The following IGSF21 variants were observed in gnomAD, a reference collection of about 807,000 sequenced individuals.
IGSF21 encodes the protein immunoglobulin superfamily member 21.
A neutral mutation model predicts 46.8 loss-of-function variants in IGSF21; 28 were observed. The observed-to-expected ratio is 0.60, with a 90% CI of 0.44 to 0.82. The LOEUF (loss-of-function observed/expected upper bound fraction) is 0.82. IGSF21 is among the 40% of genes least tolerant of loss of function. The pLI is 0.00. For missense variants in IGSF21, 624 were observed against 665.5 expected, an observed-to-expected ratio of 0.94 and a Z score of 0.69; for synonymous variants, 284 against 273.6, an observed-to-expected ratio of 1.04 and a Z score of -0.38.
At chr1:18,145,240 C>G (rs1230419715) in intron 1 of IGSF21, among the ~76,000 whole-genome samples, 2 of 151,970 alleles carry the variant, frequency 1.3e-5, no homozygotes, top group Non-Finnish European at 2.9e-5. Flanking sequence ...ATTTTTGTGG[C>G]TAGATGGCTC....
chr1:18,347,976 G>A (rs184061796), intron 4 of IGSF21, among the ~76,000 whole-genome samples: 1 of 152,268 alleles, frequency 6.6e-6, no homozygotes, highest in African/African-American at 2.4e-5. Context: ...TTTTGATATA[G>A]GACAGCCAGG....
At chr1:18,375,462 G>A (rs763133692) in intron 6 of IGSF21, among the ~76,000 whole-genome samples, 3 of 152,212 alleles carry the variant, frequency 2.0e-5, no homozygotes, top group East Asian at 1.9e-4. Flanking sequence ...CAATGATCCC[G>A]AGTGGCTCCT....
At chr1:18,241,010 G>A (rs569862685) in intron 2 of IGSF21, among the ~76,000 whole-genome samples, 1 of 152,326 alleles carries the variant, frequency 6.6e-6, no homozygotes, top group Non-Finnish European at 1.5e-5. Context: ...AGATTCCCCA[G>A]GAGTAGGGTT....
chr1:18,111,477 C>A (rs2086144739), intron 1 of IGSF21: 1 of 152,186 alleles, frequency 6.6e-6, no homozygotes, highest in Non-Finnish European at 1.5e-5. Context: ...CTCCTAAAAT[C>A]CCAATACCTT....
At chr1:18,177,385 T>A (rs2086810220) in intron 1 of IGSF21, among the ~76,000 whole-genome samples, 1 of 135,678 alleles carries the variant, frequency 7.4e-6, no homozygotes, top group African/African-American at 2.8e-5. Context: ...GGGGATGGGG[T>A]CAGTGAGGTG....
At chr1:18,287,189 A>ATAACT (rs11448658) in intron 2 of IGSF21, among the ~76,000 whole-genome samples, 1 of 136,714 alleles carries the variant, frequency 7.3e-6, no homozygotes, top group African/African-American at 2.7e-5. Context: ...TCAAAAAAAA[A>ATAACT]AAATAAAATA....
At chr1:18,189,794 C>T (rs1484880852) in intron 1 of IGSF21, among the ~76,000 whole-genome samples, 1 of 152,176 alleles carries the variant, frequency 6.6e-6, no homozygotes, top group African/African-American at 2.4e-5. Flanking sequence ...ATGAAGCTTG[C>T]CTGCCATTCG....
At chr1:18,346,279 C>T (rs376150169) in intron 4 of IGSF21, among the ~76,000 whole-genome samples, 1 of 152,142 alleles carries the variant, frequency 6.6e-6, no homozygotes, top group African/African-American at 2.4e-5. Context: ...TCCAATCACA[C>T]GCCCTCCACT....
intron 1 of IGSF21, among the ~76,000 whole-genome samples, chr1:18,209,889 C>T (rs1166046125): frequency 2.0e-5 from 3 of 152,044 alleles, no homozygotes; most frequent in African/African-American, 7.2e-5. Flanking sequence ...CTTGAGGCCC[C>T]AGGCCTTTCT....
chr1:18,340,508 T>C (rs1237991344), intron 4 of IGSF21, among the ~76,000 whole-genome samples: 1 of 152,206 alleles, frequency 6.6e-6, no homozygotes, highest in Non-Finnish European at 1.5e-5. Flanking sequence ...GTGGATACAC[T>C]GACAATAAGA....
At chr1:18,132,876 C>T (rs2086334171) in intron 1 of IGSF21, among the ~76,000 whole-genome samples, 1 of 149,450 alleles carries the variant, frequency 6.7e-6, no homozygotes, top group Non-Finnish European at 1.5e-5. Flanking sequence ...CGGGGTCTGG[C>T]CTGTGGGGCA....
chr1:18,191,867 TCA>T (rs1483622909), intron 1 of IGSF21, among the ~76,000 whole-genome samples: 6 of 152,172 alleles, frequency 3.9e-5, no homozygotes, highest in Non-Finnish European at 8.8e-5. Flanking sequence ...TCAGCAGGTC[TCA>T]GAGCCAGGGT....
rs1557668416 is a variant in IGSF21 at position 18,376,926 on chromosome 1, A to G, written c.1228A>G (p.Met410Val). ...ERVPAELNGS[M>V]YRCTAQNPLG... ...GGTTCCCGCCGAGCTCAATGGCTCC[A>G]TGTATCGCTGCACCGCCCAGAACCC... is the stretch of plus-strand genomic sequence containing the variant. Residue 410 changes from methionine to valine, a missense_variant, in exon 8 of 10, where the codon ATG becomes GTG. By Grantham distance (21) the Met-to-Val change is conservative. Transcript: ENST00000251296. The G allele has an allele frequency of 6.2e-7, 1 of 1,612,528 alleles. No homozygotes were observed. The highest frequency in any genetic ancestry group is 8.5e-7 in the Non-Finnish European group (1 of 1,178,670).
chr1:18,316,357 C>T (rs1180754895), intron 3 of IGSF21, among the ~76,000 whole-genome samples: 1 of 152,190 alleles, frequency 6.6e-6, no homozygotes, highest in Admixed American at 6.5e-5. Flanking sequence ...GTTAAGGGAG[C>T]AGTCCTCAGG....
chr1:18,253,809 A>G (rs541470030), intron 2 of IGSF21, among the ~76,000 whole-genome samples: 8 of 152,328 alleles, frequency 5.3e-5, no homozygotes, highest in Non-Finnish European at 1.0e-4. Context: ...AGAGAAGCCA[A>G]AAGAGAGAAA....
At chr1:18,243,027 A>G (rs2084748556) in intron 2 of IGSF21, among the ~76,000 whole-genome samples, 2 of 152,146 alleles carry the variant, frequency 1.3e-5, no homozygotes, top group Non-Finnish European at 2.9e-5. Flanking sequence ...GCGCTCAGTG[A>G]AGGGTCAGGA....
chr1:18,126,225 G>A (rs2086273639), intron 1 of IGSF21, among the ~76,000 whole-genome samples: 1 of 151,694 alleles, frequency 6.6e-6, no homozygotes, highest in Non-Finnish European at 1.5e-5. Flanking sequence ...CGCTCGCTTT[G>A]GCTCTTTCAC....
At chr1:18,209,511 A>G (rs1039626043) in intron 1 of IGSF21, among the ~76,000 whole-genome samples, 2 of 151,522 alleles carry the variant, frequency 1.3e-5, no homozygotes, top group Non-Finnish European at 2.9e-5. Context: ...CTGGAGGGCA[A>G]TGGGGTGACC....
chr1:18,143,608 C>T (rs1390863822), intron 1 of IGSF21, among the ~76,000 whole-genome samples: 2 of 152,174 alleles, frequency 1.3e-5, no homozygotes, highest in African/African-American at 2.4e-5. Context: ...GTTCCCATGG[C>T]CTGGCAGAGC....
Sources: allele counts gnomAD v4.1 joint callset (sites outside exome capture counted in the v4.1 genomes callset), GRCh38; gene constraint gnomAD v4.1.1; transcripts MANE v1.5; gene names NCBI Gene and HGNC (gene_info 2026-07-23, HGNC 2026-07-21).